CDH13: variants seen among roughly 807,000 people sequenced by gnomAD.
CDH13 encodes cadherin 13.
A neutral mutation model predicts 63.8 loss-of-function variants in CDH13; 24 were observed. That is an observed-to-expected ratio of 0.38 (90% CI 0.27 to 0.53). CDH13 has a LOEUF of 0.53. Ranked by LOEUF, CDH13 falls within the 20% of genes least tolerant of loss-of-function variation. CDH13 has a pLI of 0.85. For missense variants in CDH13, 1,049 were observed against 903.1 expected (o/e 1.16, Z -2.07); for synonymous variants, 503 against 355.3 (o/e 1.42, Z -4.67).
chr16:82,897,504 A>G (rs1204951146), intron 2 of CDH13, among the ~76,000 whole-genome samples: 3 of 152,218 alleles, frequency 2.0e-5, no homozygotes, highest in Non-Finnish European at 4.4e-5. Flanking sequence ...ATTTATCTGT[A>G]CTGTCTAGTT....
intron 3 of CDH13, among the ~76,000 whole-genome samples, chr16:83,060,684 C>G (rs1031546835): frequency 1.3e-5 from 2 of 152,226 alleles, no homozygotes; most frequent in African/African-American, 4.8e-5. Context: ...CAATGCTATC[C>G]TCACCTCACT....
chr16:82,721,355 G>T (rs2032758706), intron 1 of CDH13, among the ~76,000 whole-genome samples: 1 of 152,032 alleles, frequency 6.6e-6, no homozygotes, highest in Admixed American at 6.6e-5. Flanking sequence ...CTGCCTTGGG[G>T]CCCAAAGAAA....
chr16:83,299,233 T>G (rs910523557), intron 5 of CDH13, among the ~76,000 whole-genome samples: 1 of 152,154 alleles, frequency 6.6e-6, no homozygotes, highest in Non-Finnish European at 1.5e-5. Flanking sequence ...TGTGGATGTT[T>G]CTCTTTGTTT....
chr16:83,508,189 G>C (rs1228012529), intron 7 of CDH13, among the ~76,000 whole-genome samples: 1 of 151,050 alleles, frequency 6.6e-6, no homozygotes, highest in African/African-American at 2.4e-5. Context: ...GGAAAGGGAA[G>C]GGAAGGGAAT....
At chr16:83,064,580 A>C (rs1290807760) in intron 3 of CDH13, among the ~76,000 whole-genome samples, 2 of 152,230 alleles carry the variant, frequency 1.3e-5, no homozygotes, top group Non-Finnish European at 2.9e-5. Flanking sequence ...TTTAAGCAAC[A>C]TAAAAAGCAA....
At chr16:83,741,689 T>C (rs142326603) in intron 10 of CDH13, among the ~76,000 whole-genome samples, 2,628 of 152,302 alleles carry the variant, frequency 0.017, 29 homozygotes, top group Non-Finnish European at 0.027. Flanking sequence ...TGCCCAATAT[T>C]ACTTTATGAC....
chr16:83,046,769 G>T (rs1019659232), intron 3 of CDH13, among the ~76,000 whole-genome samples: 6 of 152,172 alleles, frequency 3.9e-5, no homozygotes, highest in African/African-American at 1.2e-4. Flanking sequence ...GCTGCCTTCA[G>T]TTGGCCTGAG....
At chr16:83,418,117 C>T (rs908286460) in intron 6 of CDH13, among the ~76,000 whole-genome samples, 1 of 152,130 alleles carries the variant, frequency 6.6e-6, no homozygotes. Flanking sequence ...TGTTCAAATG[C>T]TGATTTTGCT....
In CDH13 at chr16:83,532,269, C is replaced by T. The variant is rs116513341; in HGVS notation, c.960+45614C>T. Reference sequence around the variant, plus strand: ...GTGTGAAAACAGACTAGTACAAGCTCATACAGTGTAGAAGTCACTCCTCAA... The same window carrying T: ...GTGTGAAAACAGACTAGTACAAGCTTATACAGTGTAGAAGTCACTCCTCAA... On this transcript the variant is annotated intron_variant, in intron 7 of 13. Transcript: ENST00000567109. Among the ~76,000 whole-genome samples, 1,396 of 152,258 alleles carry T rather than the reference C, an allele frequency of 9.2e-3. 14 individuals carry two copies. Among genetic ancestry groups the T allele is most frequent in the African/African-American group, 0.032 (1,312 of 41,542 alleles).
intron 4 of CDH13, among the ~76,000 whole-genome samples, chr16:83,168,908 C>T (rs750057637): frequency 6.6e-6 from 1 of 152,028 alleles, no homozygotes; most frequent in Admixed American, 6.6e-5. Context: ...TGAAACTTTT[C>T]CCTAGTTTTG....
intron 5 of CDH13, among the ~76,000 whole-genome samples, chr16:83,334,572 C>G (rs949405652): frequency 1.3e-5 from 2 of 151,750 alleles, no homozygotes; most frequent in African/African-American, 4.8e-5. Flanking sequence ...ATGGCAGTCT[C>G]TCTACATTGC....
intron 3 of CDH13, among the ~76,000 whole-genome samples, chr16:83,041,089 A>G (rs2151488171): frequency 6.6e-6 from 1 of 152,358 alleles, no homozygotes; most frequent in South Asian, 2.1e-4. Context: ...AAGACCTGGC[A>G]GTATTTAAAA....
At chr16:83,145,457 A>G (rs1181257508) in intron 4 of CDH13, among the ~76,000 whole-genome samples, 1 of 152,216 alleles carries the variant, frequency 6.6e-6, no homozygotes, top group Admixed American at 6.5e-5. Flanking sequence ...GCATGTCATG[A>G]GGACTGTTGC....
At chr16:83,764,709 TCAGCCC>T (rs1914246613) in intron 11 of CDH13, among the ~76,000 whole-genome samples, 1 of 139,568 alleles carries the variant, frequency 7.2e-6, no homozygotes, top group Admixed American at 7.4e-5. Flanking sequence ...CCTCCTGAAG[TCAGCCC>T]TTTACTCTTG....
rs995381408 is a variant in CDH13 at position 82,880,529 on chromosome 16, C to A, written c.157+22056C>A. Among the ~76,000 whole-genome samples, 4 of 152,204 alleles carry A rather than the reference C, an allele frequency of 2.6e-5. No individual in the cohort carries two copies. In the South Asian group the frequency reaches 8.3e-4, roughly 32 times the overall value. ...TAGGGAAATGGAAAGTAGCAAATTGCTTTGTTTTTGGACCTTTGCCAGGTC... is the reference window on the plus strand; with the variant it reads ...TAGGGAAATGGAAAGTAGCAAATTGATTTGTTTTTGGACCTTTGCCAGGTC... On this transcript the variant is annotated intron_variant, in intron 2 of 13. Coordinates refer to ENST00000567109, the MANE Select transcript of CDH13 (RefSeq NM_001257.5).
chr16:83,307,536 C>T (rs1402469057), intron 5 of CDH13, among the ~76,000 whole-genome samples: 1 of 152,154 alleles, frequency 6.6e-6, no homozygotes, highest in Non-Finnish European at 1.5e-5. Context: ...ATAGGAGCAC[C>T]AAATCCTTCA....
intron 2 of CDH13, among the ~76,000 whole-genome samples, chr16:82,950,386 G>A (rs546878883): frequency 6.6e-6 from 1 of 152,140 alleles, no homozygotes; most frequent in African/African-American, 2.4e-5. Context: ...ATCTCATCTT[G>A]AATTGTAGCT....
At chr16:83,457,461 C>G (rs914514201) in intron 6 of CDH13, among the ~76,000 whole-genome samples, 10 of 152,242 alleles carry the variant, frequency 6.6e-5, no homozygotes, top group African/African-American at 1.9e-4. Context: ...CCTCCCTTAC[C>G]CCCTCTGCTT....
At chr16:83,464,849 C>T (rs546596100) in intron 6 of CDH13, among the ~76,000 whole-genome samples, 1 of 152,234 alleles carries the variant, frequency 6.6e-6, no homozygotes, top group African/African-American at 2.4e-5. Context: ...CACCAAGTTG[C>T]CCAGGTGGGT....
Sources: allele counts gnomAD v4.1 joint callset (sites outside exome capture counted in the v4.1 genomes callset), GRCh38; gene constraint gnomAD v4.1.1; transcripts MANE v1.5; gene names NCBI Gene and HGNC (gene_info 2026-07-23, HGNC 2026-07-21).